Variants in DCTD observed in about 807,000 individuals in gnomAD.
DCTD encodes dCMP deaminase.
In DCTD, 23 loss-of-function variants were observed where a neutral mutation model predicts 21.0. The ratio of observed to expected loss-of-function variants is 1.09; its 90% CI spans 0.79 to 1.55. The LOEUF is 1.55. Ranked by LOEUF, DCTD falls within the 40% of genes most tolerant of loss-of-function variation. The pLI, the probability that DCTD is intolerant of heterozygous loss-of-function variation, is 0.00. For synonymous variants in DCTD, 71 were observed against 81.1 expected, an observed-to-expected ratio of 0.88 and a Z score of 0.67; for missense variants, 224 against 230.0, an observed-to-expected ratio of 0.97 and a Z score of 0.17.
chr4:182,915,475 C>A lies in DCTD; in HGVS notation c.94G>T (p.Asp32Tyr). 6.2e-7 allele frequency: 1 copy of A among 1,607,302 alleles called. No homozygotes were observed. Among genetic ancestry groups the A allele is most frequent in the South Asian group, 1.1e-5 (1 of 90,928 alleles). The change falls in exon 2 of 6, where the codon GAT (aspartate) becomes TAT (tyrosine). Residue 32 changes from aspartate to tyrosine, a missense_variant. Coordinates refer to ENST00000438320, the MANE Select transcript of DCTD (RefSeq NM_001921.3). Reference sequence around the variant, plus strand: ...AATTCATTTACCTGGGAATTTGGATCTTTGCTTCTCTGTGCTGATAAGAAG... The same window carrying A: ...AATTCATTTACCTGGGAATTTGGATATTTGCTTCTCTGTGCTGATAAGAAG... Reference protein sequence around the residue: ...VAFLSAQRSKDPNSQVGACIV... With the variant: ...VAFLSAQRSKYPNSQVGACIV...
At chr4:182,907,529 C>T (rs1167662516) in intron 3 of DCTD, among the ~76,000 whole-genome samples, 2 of 151,954 alleles carry the variant, frequency 1.3e-5, no homozygotes, top group African/African-American at 4.8e-5. Context: ...TCTGACTGTC[C>T]CCTCCTATTC....
At chr4:182,908,197 C>T (rs112001780) in intron 3 of DCTD, among the ~76,000 whole-genome samples, 2 of 151,820 alleles carry the variant, frequency 1.3e-5, no homozygotes, top group Non-Finnish European at 2.9e-5. Flanking sequence ...AGGGAGATTC[C>T]GGATTAAAAA....
rs868067560 is a variant in DCTD, at chr4:182,895,576, G to A, written c.245-971C>T. Among the ~76,000 whole-genome samples the A allele has an allele frequency of 4.6e-5, 7 of 152,222 alleles. No homozygotes were observed. The East Asian group carries it at 5.8e-4, about 13-fold the overall frequency. ...AGGTCCAGTTTGCCTAGATGCTCCC[G>A]CTCCCTAATCCACAGGCGACATCCT... On this transcript the variant is annotated intron_variant, in intron 3 of 5. Transcript: ENST00000438320.
At chr4:182,898,326 C>T (rs780365475) in intron 3 of DCTD, among the ~76,000 whole-genome samples, 3 of 152,334 alleles carry the variant, frequency 2.0e-5, no homozygotes, top group Non-Finnish European at 2.9e-5. Flanking sequence ...AAGGGCAGCA[C>T]GAGGGCTCAA....
chr4:182,904,097 C>T (rs536731357), intron 3 of DCTD, among the ~76,000 whole-genome samples: 34 of 152,220 alleles, frequency 2.2e-4, no homozygotes, highest in Admixed American at 4.6e-4. Flanking sequence ...ATCCCTGCCC[C>T]CTTCCTCAAT....
rs773227928 is a variant in DCTD, at chr4:182,891,375, T to C, written c.*24A>G. 110 of 1,528,474 alleles carry C rather than the reference T, an allele frequency of 7.2e-5. 1 individual carries two copies. The highest frequency in any genetic ancestry group is 9.6e-5 in the Non-Finnish European group (106 of 1,102,272). 94.7% of individuals were successfully genotyped at this position (1,528,474 alleles called of 1,614,324 possible). ...TCTTAGAAGACGATAATCCCAATCT[T>C]CTGGAGATTGAATGAGATGTAACTC... On this transcript the variant is annotated 3_prime_UTR_variant, in exon 6 of 6. Coordinates refer to ENST00000438320, the MANE Select transcript of DCTD (RefSeq NM_001921.3).
chr4:182,899,491 A>G (rs1735344336), intron 3 of DCTD, among the ~76,000 whole-genome samples: 1 of 150,362 alleles, frequency 6.7e-6, no homozygotes, highest in South Asian at 2.1e-4. Flanking sequence ...TCTGCCTACC[A>G]GTTTCAAGCG....
chr4:182,910,982 T>C (rs1737569364), intron 3 of DCTD, among the ~76,000 whole-genome samples: 1 of 152,190 alleles, frequency 6.6e-6, no homozygotes, highest in African/African-American at 2.4e-5. Context: ...TGTATGTTAT[T>C]TGGTAAACTC....
intron 3 of DCTD, among the ~76,000 whole-genome samples, chr4:182,902,871 G>GA (rs1293338067): frequency 6.6e-6 from 1 of 152,182 alleles, no homozygotes; most frequent in African/African-American, 2.4e-5. Context: ...GGAGTGCTGA[G>GA]AAAATCCAGA....
At chr4:182,897,470 A>G (rs1046624443) in intron 3 of DCTD, among the ~76,000 whole-genome samples, 6 of 150,332 alleles carry the variant, frequency 4.0e-5, no homozygotes, top group Non-Finnish European at 7.4e-5. Flanking sequence ...TGGAATCTGC[A>G]TTTCCTCCTT....
At chr4:182,891,594 A>G in intron 5 of DCTD, 117 bp from the exon 6 acceptor site, 2 of 717,422 alleles carry the variant, frequency 2.8e-6, no homozygotes, top group Admixed American at 2.1e-5. Flanking sequence ...TTCACTTGCT[A>G]TTTTCTCTCT....
intron 3 of DCTD, among the ~76,000 whole-genome samples, chr4:182,897,760 C>T (rs986632885): frequency 2.0e-5 from 3 of 152,186 alleles, no homozygotes; most frequent in African/African-American, 4.8e-5. Context: ...TTGCCCGACC[C>T]GCACCTGCGG....
At chr4:182,910,377 C>G (rs1737467135) in intron 3 of DCTD, among the ~76,000 whole-genome samples, 1 of 152,114 alleles carries the variant, frequency 6.6e-6, no homozygotes, top group South Asian at 2.1e-4. Context: ...TACGAAAACC[C>G]AAGGAAAGAG....
At chr4:182,912,236 T>C (rs1306967460) in intron 3 of DCTD, among the ~76,000 whole-genome samples, 1 of 152,138 alleles carries the variant, frequency 6.6e-6, no homozygotes, top group African/African-American at 2.4e-5. Context: ...TTTACTTCTC[T>C]GTGGCCTGAA....
intron 4 of DCTD, among the ~76,000 whole-genome samples, chr4:182,893,706 C>T (rs751741735): frequency 5.9e-4 from 90 of 152,234 alleles, no homozygotes; most frequent in Admixed American, 1.8e-3. Flanking sequence ...CCGGACTGCT[C>T]GGCCCACAGG....
At chr4:182,905,854 G>A (rs746302350) in intron 3 of DCTD, among the ~76,000 whole-genome samples, 3 of 152,140 alleles carry the variant, frequency 2.0e-5, no homozygotes, top group Non-Finnish European at 4.4e-5. Context: ...TCAGCCTTCA[G>A]GTGTCTAAAT....
chr4:182,901,504 G>A (rs35975848), intron 3 of DCTD, among the ~76,000 whole-genome samples: 34,164 of 152,088 alleles, frequency 0.22, 4,260 homozygotes, highest in Non-Finnish European at 0.29. Flanking sequence ...CGCTAGGACC[G>A]GGGTCAGAAG....
At chr4:182,916,634 A>G in intron 1 of DCTD, 1 of 999,714 alleles carries the variant, frequency 1.0e-6, no homozygotes, top group African/African-American at 1.7e-5. Context: ...AACCCCCCTA[A>G]CAGGAAAAGA....
chr4:182,891,696 T>C (rs896952794), intron 5 of DCTD, among the ~76,000 whole-genome samples: 1 of 152,206 alleles, frequency 6.6e-6, no homozygotes, highest in African/African-American at 2.4e-5. Flanking sequence ...GTGGTTTGTA[T>C]GTTTTCAGCT....
Sources: allele counts gnomAD v4.1 joint callset (sites outside exome capture counted in the v4.1 genomes callset), GRCh38; gene constraint gnomAD v4.1.1; transcripts MANE v1.5; gene names NCBI Gene and HGNC (gene_info 2026-07-23, HGNC 2026-07-21).